ZNF385D: variants seen among roughly 807,000 people sequenced by gnomAD.
ZNF385D encodes zinc finger protein 385D.
ZNF385D carries 15 observed loss-of-function variants against 35.8 expected under a neutral mutation model. The observed-to-expected ratio is 0.42, with a 90% confidence interval of 0.28 to 0.64. The LOEUF (loss-of-function observed/expected upper bound fraction) is 0.64. Ranked by LOEUF, ZNF385D falls within the 30% of genes least tolerant of loss-of-function variation. The pLI is 0.23. For synonymous variants in ZNF385D, 212 were observed against 186.8 expected (o/e 1.13, Z -1.10); for missense variants, 474 against 494.6 (o/e 0.96, Z 0.39).
chr3:22,008,922 G>A (rs1464771574), intron 3 of ZNF385D, among the ~76,000 whole-genome samples: 1 of 152,134 alleles, frequency 6.6e-6, no homozygotes, highest in East Asian at 1.9e-4. Flanking sequence ...GTCTAACATA[G>A]GAAGGCAGAT....
chr3:22,137,643 T>G (rs142281449), intron 3 of ZNF385D, among the ~76,000 whole-genome samples: 8,153 of 152,224 alleles, frequency 0.054, 315 homozygotes, highest in Non-Finnish European at 0.085. Flanking sequence ...AAGCTCTCAA[T>G]AAATTAGGTA....
At position 21,890,484 on chromosome 3, in the gene ZNF385D, T is replaced by G. The variant is rs1435554385; in HGVS notation, c.326-225456A>C. 2.0e-5 allele frequency among the ~76,000 whole-genome samples: 3 copies of G among 152,040 alleles called. No homozygotes were observed. In the East Asian group the frequency reaches 5.8e-4, roughly 29 times the overall value. Reference sequence around the variant, plus strand: ...AAATACAAAAATTAGCTGTGCATGGTGGCAGGCCCCTGTAATCCCAGCTAC... The same window carrying G: ...AAATACAAAAATTAGCTGTGCATGGGGGCAGGCCCCTGTAATCCCAGCTAC... On this transcript the variant is annotated intron_variant, in intron 3 of 5. Transcript: ENST00000494108.
intron 2 of ZNF385D, among the ~76,000 whole-genome samples, chr3:21,651,732 A>G (rs2065920235): frequency 6.6e-6 from 1 of 152,172 alleles, no homozygotes; most frequent in African/African-American, 2.4e-5. Flanking sequence ...CCTTGCTTCT[A>G]AAAGTCAACT....
At chr3:22,368,631 A>G (rs1400091948) in intron 2 of ZNF385D, among the ~76,000 whole-genome samples, 1 of 152,170 alleles carries the variant, frequency 6.6e-6, no homozygotes, top group Non-Finnish European at 1.5e-5. Context: ...GCAGATGGCT[A>G]TCTTCTTGCT....
At chr3:21,891,216 GTTA>G (rs987079642) in intron 3 of ZNF385D, among the ~76,000 whole-genome samples, 2 of 151,982 alleles carry the variant, frequency 1.3e-5, no homozygotes, top group Admixed American at 1.3e-4. Flanking sequence ...TTTCGTTATT[GTTA>G]TTATTGTTCT....
intron 1 of ZNF385D, among the ~76,000 whole-genome samples, chr3:21,720,249 A>G (rs555511432): frequency 6.6e-6 from 1 of 152,330 alleles, no homozygotes; most frequent in Admixed American, 6.5e-5. Flanking sequence ...CATCGTCATC[A>G]TCGGGAAACT....
At chr3:22,041,442 G>C (rs1698656958) in intron 3 of ZNF385D, among the ~76,000 whole-genome samples, 2 of 152,092 alleles carry the variant, frequency 1.3e-5, no homozygotes, top group Admixed American at 1.3e-4. Context: ...AAGTGTTAAA[G>C]TTATATTAAG....
intron 3 of ZNF385D, among the ~76,000 whole-genome samples, chr3:21,822,509 A>G (rs868426951): frequency 2.0e-5 from 3 of 152,238 alleles, no homozygotes; most frequent in Non-Finnish European, 4.4e-5. Context: ...ACAATTTTGC[A>G]AAATGATTTG....
At chr3:21,862,581 T>A (rs149264576) in intron 3 of ZNF385D, among the ~76,000 whole-genome samples, 3 of 152,258 alleles carry the variant, frequency 2.0e-5, no homozygotes, top group African/African-American at 7.2e-5. Flanking sequence ...TCTTTTCATA[T>A]TGCCATTATA....
chr3:22,068,619 G>C lies in ZNF385D; in HGVS notation c.325+100198C>G, dbSNP rs1033401823. On this transcript the variant is annotated intron_variant, in intron 3 of 5. Transcript: ENST00000494108. ...GATCCATCCACACTCTGTCTATTTA[G>C]TGACATTTCTTTGATCTTTCTTTGG... is the stretch of plus-strand genomic sequence containing the variant. Among the ~76,000 whole-genome samples, 3 of 152,140 alleles carry C rather than the reference G, an allele frequency of 2.0e-5. No individual in the cohort carries two copies. The East Asian group carries it at 5.8e-4, about 29-fold the overall frequency.
intron 2 of ZNF385D, among the ~76,000 whole-genome samples, chr3:22,260,878 T>C (rs1442991520): frequency 1.3e-5 from 2 of 152,072 alleles, no homozygotes; most frequent in Non-Finnish European, 2.9e-5. Context: ...TATTCTATGG[T>C]AACAGTTTTA....
At position 21,476,435 on chromosome 3, in the gene ZNF385D, C is replaced by T. The variant is rs567573517; in HGVS notation, c.439+34426G>A. Among the ~76,000 whole-genome samples the T allele has an allele frequency of 3.1e-4, 47 of 152,038 alleles. No homozygotes were observed. The South Asian group carries it at 6.5e-3, about 21-fold the overall frequency. ...TTCTAAAAATTAGACCTGATCCAAC[C>T]CTCACATACAAATTAGAATTTTTTT... On this transcript the variant is annotated intron_variant, in intron 4 of 7. Coordinates refer to ENST00000281523, the MANE Select transcript of ZNF385D (RefSeq NM_024697.3).
chr3:21,880,389 T>C (rs928213192), intron 3 of ZNF385D, among the ~76,000 whole-genome samples: 1 of 152,014 alleles, frequency 6.6e-6, no homozygotes, highest in African/African-American at 2.4e-5. Context: ...TCTTGCAATA[T>C]TCAAATTCTT....
At chr3:21,954,349 AC>A (rs1702194513) in intron 3 of ZNF385D, among the ~76,000 whole-genome samples, 1 of 151,990 alleles carries the variant, frequency 6.6e-6, no homozygotes, top group Non-Finnish European at 1.5e-5. Context: ...TTTCAAGTAA[AC>A]ACATAGGGAT....
chr3:21,879,711 C>T (rs1038656534), intron 3 of ZNF385D, among the ~76,000 whole-genome samples: 72 of 152,076 alleles, frequency 4.7e-4, no homozygotes, highest in Admixed American at 3.0e-3. Flanking sequence ...AGCCGCTAGG[C>T]GCTTCATTGA....
chr3:21,994,515 T>A (rs1559830295), intron 3 of ZNF385D, among the ~76,000 whole-genome samples: 1 of 104,120 alleles, frequency 9.6e-6, no homozygotes, highest in African/African-American at 3.4e-5. Context: ...CCATTTTATA[T>A]TTTTTTTTAG....
chr3:22,163,056 T>C (rs1473701748), intron 3 of ZNF385D, among the ~76,000 whole-genome samples: 1 of 152,260 alleles, frequency 6.6e-6, no homozygotes, highest in African/African-American at 2.4e-5. Context: ...TTCAGAGATG[T>C]CTACCCACTT....
At chr3:22,037,468 A>G (rs1373890002) in intron 3 of ZNF385D, among the ~76,000 whole-genome samples, 2 of 151,970 alleles carry the variant, frequency 1.3e-5, no homozygotes, top group African/African-American at 4.8e-5. Context: ...GCCAGTGATG[A>G]TGAGCATTTT....
chr3:21,993,115 A>G, intron 3 of ZNF385D, among the ~76,000 whole-genome samples: 1 of 152,182 alleles, frequency 6.6e-6, no homozygotes, highest in African/African-American at 2.4e-5. Context: ...TTTAATTTGT[A>G]TTTCTATTTC....
Sources: gnomAD v4.1 joint callset for allele counts (sites outside exome capture counted in the v4.1 genomes callset) on GRCh38, gnomAD v4.1.1 for gene constraint, MANE v1.5 for transcripts, NCBI Gene and HGNC (gene_info 2026-07-23, HGNC 2026-07-21) for gene names.